Variants in ZMAT4 observed in about 807,000 individuals in gnomAD.
ZMAT4 encodes the protein zinc finger matrin-type protein 4.
A neutral mutation model predicts 28.7 loss-of-function variants in ZMAT4; 17 were observed. The ratio of observed to expected loss-of-function variants is 0.59; its 90% CI spans 0.41 to 0.89. The LOEUF is 0.89. Ranked by LOEUF, ZMAT4 falls within the 40% of genes least tolerant of loss-of-function variation. ZMAT4 has a pLI of 0.00. For missense variants in ZMAT4, 240 were observed against 283.8 expected, an observed-to-expected ratio of 0.85 and a Z score of 1.11; for synonymous variants, 117 against 109.2, an observed-to-expected ratio of 1.07 and a Z score of -0.44.
chr8:40,732,968 G>C (rs1042462006), intron 3 of ZMAT4, among the ~76,000 whole-genome samples: 2 of 146,542 alleles, frequency 1.4e-5, no homozygotes, highest in Middle Eastern at 3.8e-3. Context: ...ACCTCACCCT[G>C]CCAAGTAGCT....
chr8:40,723,504 C>T (rs574684883), intron 3 of ZMAT4, among the ~76,000 whole-genome samples: 2 of 124,982 alleles, frequency 1.6e-5, no homozygotes, highest in Admixed American at 2.1e-4. Flanking sequence ...GATTGCACCA[C>T]TGCACTCCAG....
At chr8:40,632,342 T>C (rs1046019476) in intron 5 of ZMAT4, among the ~76,000 whole-genome samples, 6 of 152,142 alleles carry the variant, frequency 3.9e-5, no homozygotes. Flanking sequence ...AGCCATGCCA[T>C]TTTCTCCCCT....
At chr8:40,559,958 G>A (rs1803679303) in intron 6 of ZMAT4, among the ~76,000 whole-genome samples, 2 of 151,930 alleles carry the variant, frequency 1.3e-5, no homozygotes, top group African/African-American at 2.4e-5. Flanking sequence ...TCTTCCTCAG[G>A]CAGAAACCGC....
chr8:40,796,658 C>T (rs537873673), intron 2 of ZMAT4, among the ~76,000 whole-genome samples: 6 of 152,214 alleles, frequency 3.9e-5, no homozygotes, highest in Non-Finnish European at 5.9e-5. Context: ...TCCCCGGCTC[C>T]GCCCCGCACA....
intron 3 of ZMAT4, among the ~76,000 whole-genome samples, chr8:40,747,341 T>G (rs2150542418): frequency 6.6e-6 from 1 of 152,260 alleles, no homozygotes; most frequent in South Asian, 2.1e-4. Flanking sequence ...TCTCCCAGCC[T>G]TTCTGGAAGT....
At chr8:40,560,481 C>T (rs555468346) in intron 6 of ZMAT4, among the ~76,000 whole-genome samples, 2 of 151,982 alleles carry the variant, frequency 1.3e-5, no homozygotes, top group Admixed American at 6.6e-5. Flanking sequence ...TATTTCAATG[C>T]TTTAGCCTCC....
At chr8:40,635,052 C>T (rs1806740001) in intron 5 of ZMAT4, among the ~76,000 whole-genome samples, 1 of 152,148 alleles carries the variant, frequency 6.6e-6, no homozygotes, top group Admixed American at 6.5e-5. Context: ...AAGGCAAAGA[C>T]AGCAATTTCC....
chr8:40,549,106 C>A (rs577989356), intron 6 of ZMAT4, among the ~76,000 whole-genome samples: 1 of 152,228 alleles, frequency 6.6e-6, no homozygotes, highest in African/African-American at 2.4e-5. Flanking sequence ...TAAAGGAACC[C>A]TTTTGCCCCT....
intron 6 of ZMAT4, among the ~76,000 whole-genome samples, chr8:40,533,102 C>T (rs1383370065): frequency 6.6e-6 from 1 of 152,062 alleles, no homozygotes; most frequent in Non-Finnish European, 1.5e-5. Context: ...CAAGATACTA[C>T]CTCTTACAAC....
Position 40,537,170 on chromosome 8 carries a change from G to T in ZMAT4, c.675-4932C>A, listed in dbSNP as rs1231698435. 2.0e-5 allele frequency among the ~76,000 whole-genome samples: 3 copies of T among 152,074 alleles called. No homozygotes were observed. The East Asian group carries it at 5.8e-4, about 29-fold the overall frequency. The stretch of plus-strand genomic sequence containing the variant: ...ATGAAGAGAGATCATTAAGATGTTG[G>T]GAATCAAAAGTGGAGGCAGGACTTT... On this transcript the variant is annotated intron_variant, in intron 6 of 6. Transcript: ENST00000297737.
chr8:40,693,846 G>A lies in ZMAT4; in HGVS notation c.349+3399C>T, dbSNP rs1299113228. ...AGACCCAGAAGATGCTTGATCAAAG[G>A]GCAGCTGGAGGGGGTGGAAAGGTAG... On this transcript the variant is annotated intron_variant, in intron 4 of 6. Coordinates refer to ENST00000297737, the MANE Select transcript of ZMAT4 (RefSeq NM_024645.3). Among the ~76,000 whole-genome samples, 5 of 152,280 alleles carry A rather than the reference G, an allele frequency of 3.3e-5. No individual in the cohort carries two copies. In the East Asian group the frequency reaches 5.8e-4, roughly 18 times the overall value.
intron 3 of ZMAT4, among the ~76,000 whole-genome samples, chr8:40,723,188 A>G (rs543718520): frequency 1.3e-5 from 2 of 152,348 alleles, no homozygotes; most frequent in Admixed American, 6.5e-5. Context: ...AGAAAGGGAT[A>G]GGAGAATGAG....
intron 6 of ZMAT4, among the ~76,000 whole-genome samples, chr8:40,535,573 G>A (rs1323643578): frequency 6.6e-6 from 1 of 151,958 alleles, no homozygotes; most frequent in Non-Finnish European, 1.5e-5. Flanking sequence ...GGAGGCTGAG[G>A]CAGGAGAATT....
At chr8:40,618,275 C>A (rs1022320817) in intron 5 of ZMAT4, among the ~76,000 whole-genome samples, 1 of 152,128 alleles carries the variant, frequency 6.6e-6, no homozygotes, top group African/African-American at 2.4e-5. Context: ...CAAAACAACA[C>A]GAGGCAGCCT....
intron 2 of ZMAT4, among the ~76,000 whole-genome samples, chr8:40,781,490 C>T (rs550330290): frequency 8.4e-4 from 128 of 152,116 alleles, no homozygotes; most frequent in Non-Finnish European, 1.6e-3. Flanking sequence ...AGGCCGGGCG[C>T]GGTGGCTCAC....
chr8:40,841,952 C>G (rs746923945), intron 1 of ZMAT4, among the ~76,000 whole-genome samples: 1 of 152,146 alleles, frequency 6.6e-6, no homozygotes, highest in Non-Finnish European at 1.5e-5. Context: ...CCTGGCAGCA[C>G]GTGCCCACAG....
chr8:40,581,317 G>T, intron 5 of ZMAT4, 56 bp from the exon 6 acceptor site: 1 of 1,445,000 alleles, frequency 6.9e-7, no homozygotes, highest in Non-Finnish European at 9.7e-7. Flanking sequence ...CACCTGAAAT[G>T]AATCCTAGCA....
At chr8:40,858,311 A>G (rs1003561517) in intron 1 of ZMAT4, among the ~76,000 whole-genome samples, 2 of 152,150 alleles carry the variant, frequency 1.3e-5, no homozygotes, top group African/African-American at 4.8e-5. Context: ...AACACTCTTT[A>G]TATTTTGCAA....
At chr8:40,552,113 T>C (rs990544064) in intron 6 of ZMAT4, among the ~76,000 whole-genome samples, 1 of 152,196 alleles carries the variant, frequency 6.6e-6, no homozygotes, top group African/African-American at 2.4e-5. Context: ...GTCTTCAGGA[T>C]TAAAATCTAC....
Sources: gnomAD v4.1 joint callset for allele counts (sites outside exome capture counted in the v4.1 genomes callset) on GRCh38, gnomAD v4.1.1 for gene constraint, MANE v1.5 for transcripts, NCBI Gene and HGNC (gene_info 2026-07-23, HGNC 2026-07-21) for gene names.